Variants in SEC63 observed in about 807,000 individuals in gnomAD.
SEC63 encodes translocation protein SEC63 homolog.
In SEC63, 56 loss-of-function variants were observed where a neutral mutation model predicts 116.2. The observed-to-expected ratio is 0.48, with a 90% CI of 0.39 to 0.60. The LOEUF is 0.60. SEC63 is among the 20% of genes least tolerant of loss of function. SEC63 has a pLI of 0.00. For synonymous variants in SEC63, 273 were observed against 294.6 expected, an observed-to-expected ratio of 0.93 and a Z score of 0.75; for missense variants, 668 against 900.0, an observed-to-expected ratio of 0.74 and a Z score of 3.30.
At chr6:107,889,198 T>G (rs1165894686) in intron 16 of SEC63, among the ~76,000 whole-genome samples, 1 of 152,158 alleles carries the variant, frequency 6.6e-6, no homozygotes, top group Non-Finnish European at 1.5e-5. Context: ...TGGTAGAATT[T>G]GGCCGTGAAA....
At chr6:107,877,086 TAC>T (rs1786296041) in intron 18 of SEC63, 3 of 165,800 alleles carry the variant, frequency 1.8e-5, no homozygotes, top group Admixed American at 1.2e-4. Flanking sequence ...TATATATATA[TAC>T]ACATATATAC....
At chr6:107,923,786 C>T (rs773390557) in intron 3 of SEC63, among the ~76,000 whole-genome samples, 18 of 151,498 alleles carry the variant, frequency 1.2e-4, no homozygotes, top group Admixed American at 7.9e-4. Flanking sequence ...TCCCAAAGTG[C>T]TAGGATTACA....
chr6:107,930,395 G>C (rs1583764919), intron 1 of SEC63, among the ~76,000 whole-genome samples: 2 of 151,922 alleles, frequency 1.3e-5, no homozygotes, highest in Middle Eastern at 6.8e-3. Flanking sequence ...CAGATCACCT[G>C]AGGTCAGGAG....
In SEC63 at chr6:107,912,761, T is replaced by G; in HGVS notation, c.528A>C (p.Gly176=). 1 of 1,611,290 alleles carries G rather than the reference T, an allele frequency of 6.2e-7. No individual in the cohort carries two copies. Among genetic ancestry groups the G allele is most frequent in the Non-Finnish European group, 8.5e-7 (1 of 1,177,568 alleles). The change falls in exon 6 of 21, where the codon GGA becomes GGC. Residue 176 remains glycine (G), a synonymous_variant. Transcript: ENST00000369002. ...CAACTATCCAAGCTGGCAGGGCAAT[T>G]CCAAAGCTTGTGGCTGAAATAGAAA... is the stretch of plus-strand genomic sequence containing the variant. ...NPDGPQATSF[G]IALPAWIVDQ... is the part of the protein sequence containing the mutation.
chr6:107,901,265 C>A (rs1786996444), intron 13 of SEC63, 105 bp downstream of exon 13: 5 of 1,151,120 alleles, frequency 4.3e-6, no homozygotes, highest in Non-Finnish European at 6.5e-6. Context: ...AGTCTAATAA[C>A]AAGTTATGTT....
chr6:107,944,736 G>A (rs941137513), intron 1 of SEC63, among the ~76,000 whole-genome samples: 5 of 151,464 alleles, frequency 3.3e-5, no homozygotes, highest in Non-Finnish European at 7.4e-5. Flanking sequence ...GTCTAGCCTG[G>A]AAATAGAAAT....
chr6:107,955,101 A>G (rs1044150092), intron 1 of SEC63, among the ~76,000 whole-genome samples: 3 of 152,220 alleles, frequency 2.0e-5, no homozygotes, highest in Non-Finnish European at 4.4e-5. Flanking sequence ...CTAAGCGACC[A>G]ATGTTCTAAT....
rs948649995 is a variant in SEC63 at position 107,880,976 on chromosome 6, C to G, written c.1935+173G>C. The G allele has an allele frequency of 8.7e-6, 5 of 575,018 alleles. No homozygotes were observed. The African/African-American group carries it at 9.4e-5, about 11-fold the overall frequency. 35.6% of individuals were successfully genotyped at this position (575,018 alleles called of 1,614,324 possible). ...CAATCTCTTTTATAAGCAACACGTT[C>G]ACTAAGTATAATACCTATTGTAATA... On this transcript the variant is annotated intron_variant, in intron 18 of 20. Transcript: ENST00000369002.
chr6:107,884,735 A>G (rs889879986), intron 16 of SEC63, among the ~76,000 whole-genome samples: 2 of 152,166 alleles, frequency 1.3e-5, no homozygotes, highest in Non-Finnish European at 2.9e-5. Flanking sequence ...CAAGGATATT[A>G]CAAAAAAGGA....
intron 4 of SEC63, among the ~76,000 whole-genome samples, chr6:107,916,571 C>T (rs1787404654): frequency 6.6e-6 from 1 of 152,220 alleles, no homozygotes; most frequent in Non-Finnish European, 1.5e-5. Flanking sequence ...TGCAGATAAT[C>T]GTGTTTTTCT....
At chr6:107,904,505 A>G in intron 11 of SEC63, 124 bp downstream of exon 11, 1 of 741,656 alleles carries the variant, frequency 1.3e-6, no homozygotes, top group African/African-American at 1.7e-5. Context: ...CATGAGTAAA[A>G]TTGAAGAAGC....
intron 4 of SEC63, among the ~76,000 whole-genome samples, chr6:107,914,799 C>T (rs961319199): frequency 6.6e-6 from 1 of 152,172 alleles, no homozygotes; most frequent in African/African-American, 2.4e-5. Flanking sequence ...ATAACCATCT[C>T]TGTCCCCTTC....
intron 16 of SEC63, among the ~76,000 whole-genome samples, chr6:107,884,196 G>A (rs1786476861): frequency 6.6e-6 from 1 of 151,366 alleles, no homozygotes; most frequent in Non-Finnish European, 1.5e-5. Flanking sequence ...CTTGAACTTG[G>A]TAGGCGGAGG....
intron 1 of SEC63, among the ~76,000 whole-genome samples, chr6:107,946,024 C>T (rs774979595): frequency 8.5e-5 from 13 of 152,076 alleles, no homozygotes; most frequent in Non-Finnish European, 1.6e-4. Flanking sequence ...GTAACCTCTG[C>T]CTCCCAGGTT....
Position 107,930,121 on chromosome 6 carries a change from G to A in SEC63, c.125-607C>T, listed in dbSNP as rs192556206. On this transcript the variant is annotated intron_variant, in intron 1 of 20. Transcript: ENST00000369002. ...TACGCTAAAACCGGAGCAATACAGAGAAGATTAGCATGGCCCTCACCCAAA... is the reference window on the plus strand; with the variant it reads ...TACGCTAAAACCGGAGCAATACAGAAAAGATTAGCATGGCCCTCACCCAAA... 347 of 147,776 alleles carry A rather than the reference G, an allele frequency of 2.3e-3. 1 individual carries two copies. The highest frequency in any genetic ancestry group is 8.4e-3 in the African/African-American group (339 of 40,194). The allele number at this position is 147,776 out of a possible 1,614,324, so 9.2% of individuals were successfully genotyped here.
intron 1 of SEC63, 136 bp downstream of exon 1, chr6:107,957,750 G>A (rs971896645): frequency 2.1e-6 from 2 of 931,714 alleles, no homozygotes; most frequent in African/African-American, 3.5e-5. Context: ...AGTGGCGGAC[G>A]CTGGACACAG....
At chr6:107,905,794 C>T (rs963529747) in intron 10 of SEC63, among the ~76,000 whole-genome samples, 3 of 152,186 alleles carry the variant, frequency 2.0e-5, no homozygotes, top group Admixed American at 1.3e-4. Flanking sequence ...ATTAACTAAA[C>T]ATTTCTTATA....
At chr6:107,897,136 G>A (rs1328737711) in intron 14 of SEC63, among the ~76,000 whole-genome samples, 1 of 152,148 alleles carries the variant, frequency 6.6e-6, no homozygotes, top group Admixed American at 6.5e-5. Flanking sequence ...ACAGGGATGA[G>A]CCTCAAAACG....
At chr6:107,943,170 G>A (rs1360903894) in intron 1 of SEC63, among the ~76,000 whole-genome samples, 1 of 152,230 alleles carries the variant, frequency 6.6e-6, no homozygotes, top group Non-Finnish European at 1.5e-5. Context: ...CAACACCTGA[G>A]CTCACTGCAA....
Sources: allele counts gnomAD v4.1 joint callset (sites outside exome capture counted in the v4.1 genomes callset), GRCh38; gene constraint gnomAD v4.1.1; transcripts MANE v1.5; gene names NCBI Gene and HGNC (gene_info 2026-07-23, HGNC 2026-07-21).